FKBP1B: variants seen among roughly 807,000 people sequenced by gnomAD.
FKBP1B encodes the protein FKBP prolyl isomerase 1B.
In FKBP1B, 4 loss-of-function variants were observed where a neutral mutation model predicts 13.5. The ratio of observed to expected loss-of-function variants is 0.30; its 90% CI spans 0.15 to 0.68. The LOEUF (loss-of-function observed/expected upper bound fraction) is 0.68. Among genes scored for constraint, FKBP1B ranks in the 30% least tolerant of loss-of-function variants. FKBP1B has a pLI of 0.76. For synonymous variants in FKBP1B, 54 were observed against 53.6 expected, an observed-to-expected ratio of 1.01 and a Z score of -0.03; for missense variants, 93 against 136.2, an observed-to-expected ratio of 0.68 and a Z score of 1.58.
chr2:24,047,496 A>G (rs987989341), upstream of FKBP1B: 5 of 152,002 alleles, frequency 3.3e-5, no homozygotes, highest in Admixed American at 1.3e-4. Flanking sequence ...ACGCTCCGAG[A>G]TGGCCCCGTC....
At chr2:24,062,006 A>T (rs754433669) in intron 3 of FKBP1B, among the ~76,000 whole-genome samples, 15 of 151,990 alleles carry the variant, frequency 9.9e-5, no homozygotes, top group Non-Finnish European at 1.9e-4. Context: ...AGTAGCTGGG[A>T]CTACAGGCGC....
In FKBP1B at chr2:24,060,670, C is replaced by T; in HGVS notation, c.86-144C>T. On this transcript the variant is annotated intron_variant, in intron 2 of 3. Coordinates refer to ENST00000380986, the MANE Select transcript of FKBP1B (RefSeq NM_004116.5). ...AGGCAGAAGGAAGTGTCCAGATTTC[C>T]TGCTTGGGCAACAGGATGGATGGGG... 4.8e-6 allele frequency: 3 copies of T among 621,818 alleles called. No homozygotes were observed. The South Asian group carries it at 5.9e-5, about 12-fold the overall frequency. 38.5% of individuals were successfully genotyped at this position (621,818 alleles called of 1,614,324 possible). A position where few individuals can be genotyped will look rare whatever the true frequency, so the allele number is the denominator to read the frequency against.
chr2:24,053,854 G>GTT, intron 1 of FKBP1B, 48 bp from the exon 2 acceptor site: 1 of 1,578,246 alleles, frequency 6.3e-7, no homozygotes, highest in African/African-American at 1.3e-5. Flanking sequence ...TGTCCCAGGT[G>GTT]TTTTTCCAAT....
chr2:24,063,272 C>T lies in FKBP1B; in HGVS notation c.*80C>T. The stretch of plus-strand genomic sequence containing the variant: ...TGCTCTGCCACTGGGACGGCTCCTG[C>T]TTTTGGGGCTCTTGATCAGTGTGCT... On this transcript the variant is annotated 3_prime_UTR_variant, in exon 4 of 4. Transcript: ENST00000380986. 7.3e-7 allele frequency: 1 copy of T among 1,361,646 alleles called. No individual in the cohort carries two copies. Among genetic ancestry groups the T allele is most frequent in the Non-Finnish European group, 9.9e-7 (1 of 1,014,402 alleles). The allele number at this position is 1,361,646 out of a possible 1,614,324, so 84.3% of individuals were successfully genotyped here.
the FKBP1B span, among the ~76,000 whole-genome samples, chr2:24,036,393 G>C: frequency 1.3e-5 from 2 of 152,166 alleles, no homozygotes; most frequent in African/African-American, 4.8e-5. Flanking sequence ...TGTAGTCTCA[G>C]CTGCTCAGGA....
chr2:24,059,486 G>A (rs1332745191), intron 2 of FKBP1B, among the ~76,000 whole-genome samples: 1 of 152,150 alleles, frequency 6.6e-6, no homozygotes, highest in Non-Finnish European at 1.5e-5. Flanking sequence ...TAACCTTTGG[G>A]TTTTCCCTTT....
At chr2:24,062,520 C>T (rs1024754766) in intron 3 of FKBP1B, among the ~76,000 whole-genome samples, 2 of 152,090 alleles carry the variant, frequency 1.3e-5, no homozygotes, top group South Asian at 4.1e-4. Flanking sequence ...GCCATATTAG[C>T]CAGGCTGGTC....
upstream of FKBP1B, chr2:24,049,695 C>T (rs954661230): frequency 1.4e-5 from 7 of 497,648 alleles, no homozygotes; most frequent in Non-Finnish European, 2.2e-5. Context: ...TGCCAGTGGC[C>T]CCTCCCCGCG....
At chr2:24,034,377 G>A in the FKBP1B span, among the ~76,000 whole-genome samples, 567 of 152,154 alleles carry the variant, frequency 3.7e-3, 2 homozygotes, top group African/African-American at 0.012. Flanking sequence ...CCAAGATCGC[G>A]CCACTGCACT....
intron 3 of FKBP1B, 111 bp from the exon 4 acceptor site, chr2:24,062,953 A>G (rs1181609225): frequency 1.7e-5 from 25 of 1,493,152 alleles, no homozygotes; most frequent in Non-Finnish European, 2.1e-5. Flanking sequence ...TGAGATCTTC[A>G]GAGTTAACAT....
rs1663770831 is a variant in FKBP1B at position 24,049,889 on chromosome 2, A to G, written c.37+3A>G. On this transcript the variant is annotated splice_donor_region_variant and intron_variant, in intron 1 of 3. Coordinates refer to ENST00000380986, the MANE Select transcript of FKBP1B (RefSeq NM_004116.5). ...CGAGACCATCTCCCCCGGAGACGGT[A>G]CCGGGCTCCCTCCGGAGCCAGGGGA... The G allele has an allele frequency of 1.4e-6, 2 of 1,411,384 alleles. No individual in the cohort carries two copies. Among genetic ancestry groups the G allele is most frequent in the Non-Finnish European group, 1.8e-6 (2 of 1,081,168 alleles). The allele number at this position is 1,411,384 out of a possible 1,614,324, so 87.4% of individuals were successfully genotyped here. A position where few individuals can be genotyped will look rare whatever the true frequency, so the allele number is the denominator to read the frequency against.
At chr2:24,052,814 T>A (rs990198298) in intron 1 of FKBP1B, among the ~76,000 whole-genome samples, 36 of 151,736 alleles carry the variant, frequency 2.4e-4, no homozygotes, top group African/African-American at 4.8e-4. Flanking sequence ...AAATTTTTTT[T>A]AAAAAAATTA....
chr2:24,063,211 G>T lies in FKBP1B; in HGVS notation c.*19G>T. 1 of 1,564,192 alleles carries T rather than the reference G, an allele frequency of 6.4e-7. No homozygotes were observed. The highest frequency in any genetic ancestry group is 1.2e-5 in the South Asian group (1 of 82,282). ...AGAGTGAAGGCAGGAAGGAACTCAA[G>T]GTGGCTGGAGATGGCTGCTGCTCAC... On this transcript the variant is annotated 3_prime_UTR_variant, in exon 4 of 4. Transcript: ENST00000380986.
chr2:24,049,089 C>T (rs1663729569), upstream of FKBP1B, among the ~76,000 whole-genome samples: 2 of 152,310 alleles, frequency 1.3e-5, no homozygotes, highest in Non-Finnish European at 2.9e-5. Context: ...GGGTAGGAAC[C>T]TCTTCTGTGC....
At chr2:24,048,591 T>A (rs1285185699), upstream of FKBP1B, among the ~76,000 whole-genome samples, 1 of 151,966 alleles carries the variant, frequency 6.6e-6, no homozygotes, top group African/African-American at 2.4e-5. Context: ...GTGTTGAGAT[T>A]ACAGGTGTGA....
the FKBP1B span, chr2:24,038,243 T>C: frequency 6.2e-7 from 1 of 1,614,168 alleles, no homozygotes; most frequent in South Asian, 1.1e-5. Flanking sequence ...TGATCAGACT[T>C]TGAAGAAGGA....
chr2:24,042,310 G>A, the FKBP1B span, among the ~76,000 whole-genome samples: 1 of 152,072 alleles, frequency 6.6e-6, no homozygotes, highest in African/African-American at 2.4e-5. Flanking sequence ...GGCCGAGGCA[G>A]GCGGATCACG....
chr2:24,063,459 ACAGAACACAGATC>A lies in FKBP1B; in HGVS notation c.*268_*280del. 2.6e-6 allele frequency: 1 copy of A among 381,858 alleles called. No individual in the cohort carries two copies. The highest frequency in any genetic ancestry group is 4.7e-6 in the Non-Finnish European group (1 of 214,158). 23.7% of individuals were successfully genotyped at this position (381,858 alleles called of 1,614,324 possible). ...ATGCATGTAGTAGCCTTTCCTGATG[ACAGAACACAGATC>A]TCTTGTTCGCACAATCTACACTGCC... On this transcript the variant is annotated 3_prime_UTR_variant, in exon 4 of 4. Transcript: ENST00000380986.
the FKBP1B span, among the ~76,000 whole-genome samples, chr2:24,034,047 G>A: frequency 9.8e-4 from 150 of 152,332 alleles, no homozygotes; most frequent in African/African-American, 3.3e-3. Context: ...TGAAATTACA[G>A]GGGAAACTAT....
Sources: allele counts gnomAD v4.1 joint callset (sites outside exome capture counted in the v4.1 genomes callset), GRCh38; gene constraint gnomAD v4.1.1; transcripts MANE v1.5; gene names NCBI Gene and HGNC (gene_info 2026-07-23, HGNC 2026-07-21).